The following ALPK1 variants were observed in gnomAD, a reference collection of about 807,000 sequenced individuals.
ALPK1 encodes the protein alpha-protein kinase 1.
ALPK1 carries 110 observed loss-of-function variants against 120.6 expected under a neutral mutation model. The ratio of observed to expected loss-of-function variants is 0.91; its 90% confidence interval spans 0.78 to 1.07. ALPK1 has a LOEUF of 1.07. Ranked by LOEUF, ALPK1 falls within the 50% of genes least tolerant of loss-of-function variation. ALPK1 has a pLI of 0.00. For synonymous variants in ALPK1, 582 were observed against 560.3 expected (o/e 1.04, Z -0.55); for missense variants, 1,498 against 1,483.9 (o/e 1.01, Z -0.16).
intron 4 of ALPK1, among the ~76,000 whole-genome samples, chr4:112,397,954 T>C (rs1029438004): frequency 5.3e-5 from 8 of 152,186 alleles, no homozygotes; most frequent in African/African-American, 1.9e-4. Flanking sequence ...GGTGTATATA[T>C]AATTTAATAT....
At chr4:112,387,046 T>C (rs564345857) in intron 4 of ALPK1, among the ~76,000 whole-genome samples, 1 of 152,288 alleles carries the variant, frequency 6.6e-6, no homozygotes, top group African/African-American at 2.4e-5. Flanking sequence ...TTTGATGGAT[T>C]TTTCAAAAAG....
intron 2 of ALPK1, among the ~76,000 whole-genome samples, chr4:112,325,889 C>T (rs1729094769): frequency 6.6e-6 from 1 of 152,186 alleles, no homozygotes; most frequent in Admixed American, 6.5e-5. Context: ...TCTGTCCCTT[C>T]TACCCTCCCA....
intron 1 of ALPK1, among the ~76,000 whole-genome samples, chr4:112,313,380 G>A (rs1259147559): frequency 6.6e-6 from 1 of 152,096 alleles, no homozygotes; most frequent in African/African-American, 2.4e-5. Flanking sequence ...GAGGAGGGAG[G>A]CTTTATGTCA....
chr4:112,435,374 T>C, intron 12 of ALPK1, 73 bp downstream of exon 12: 1 of 1,437,250 alleles, frequency 7.0e-7, no homozygotes, highest in East Asian at 2.3e-5. Flanking sequence ...TAATCACTCA[T>C]GAGACTTCGT....
At chr4:112,384,296 T>C (rs1732054745) in intron 4 of ALPK1, 1 of 152,224 alleles carries the variant, frequency 6.6e-6, no homozygotes, top group African/African-American at 2.4e-5. Context: ...TTATTGTATC[T>C]AAAGTAAGCT....
At chr4:112,414,246 T>C in intron 5 of ALPK1, 1 of 488,168 alleles carries the variant, frequency 2.0e-6, no homozygotes, top group Admixed American at 2.1e-5. Context: ...GATCCAGCGC[T>C]TCCTGGTATC....
At chr4:112,297,984 A>G (rs1727617363) in intron 1 of ALPK1, among the ~76,000 whole-genome samples, 1 of 152,188 alleles carries the variant, frequency 6.6e-6, no homozygotes, top group African/African-American at 2.4e-5. Flanking sequence ...ATATGGGTGA[A>G]TTGACGGGAA....
Position 112,377,812 on chromosome 4 carries a change from A to C in ALPK1, c.35A>C (p.Gln12Pro). ...CAAAAAGTGGTAGCTGTGCTACTGC[A>C]AGAGTGCAAGCAAGTGCTGGATCAG... is the stretch of plus-strand genomic sequence containing the variant. ...NNQKVVAVLL[Q>P]ECKQVLDQLL... is the part of the protein sequence containing the mutation. The change falls in exon 3 of 16, where the codon CAA (glutamine) becomes CCA (proline). Residue 12 changes from glutamine (Q) to proline (P), a missense_variant. Transcript: ENST00000650871. 6.2e-7 allele frequency: 1 copy of C among 1,613,342 alleles called. No homozygotes were observed. The highest frequency in any genetic ancestry group is 2.2e-5 in the East Asian group (1 of 44,828).
chr4:112,405,173 C>T (rs894131604), intron 4 of ALPK1, among the ~76,000 whole-genome samples: 1 of 152,276 alleles, frequency 6.6e-6, no homozygotes, highest in Admixed American at 6.5e-5. Context: ...GAACTCACTA[C>T]CTGGGCCTCT....
intron 4 of ALPK1, among the ~76,000 whole-genome samples, chr4:112,398,205 G>A (rs1193365168): frequency 6.6e-6 from 1 of 152,146 alleles, no homozygotes; most frequent in African/African-American, 2.4e-5. Context: ...GGTGAGAAGT[G>A]ATACAAATAA....
rs1021442389 is a variant in ALPK1 at position 112,304,528 on chromosome 4, G to T, written c.-153+7059G>T. Among the ~76,000 whole-genome samples the T allele has an allele frequency of 7.5e-4, 114 of 152,166 alleles. 1 individual carries two copies. The highest frequency in any genetic ancestry group is 4.8e-3 in the South Asian group (23 of 4,826). Reference sequence around the variant, plus strand: ...ATGATGAGCATTTTTTCATGTGTCTGTTGGCTGCATAAATGTCTTCTTTTG... The same window carrying T: ...ATGATGAGCATTTTTTCATGTGTCTTTTGGCTGCATAAATGTCTTCTTTTG... On this transcript the variant is annotated intron_variant, in intron 1 of 15. Coordinates refer to ENST00000650871, the MANE Select transcript of ALPK1 (RefSeq NM_025144.4).
intron 2 of ALPK1, among the ~76,000 whole-genome samples, chr4:112,369,008 T>A (rs939696881): frequency 1.0e-5 from 1 of 98,488 alleles, no homozygotes; most frequent in Non-Finnish European, 2.0e-5. Flanking sequence ...TGCAGGTAAC[T>A]TTTTAGGTTT....
At chr4:112,386,936 A>G (rs1038386652) in intron 4 of ALPK1, among the ~76,000 whole-genome samples, 2 of 152,248 alleles carry the variant, frequency 1.3e-5, no homozygotes, top group African/African-American at 4.8e-5. Flanking sequence ...TGAGAGGGAA[A>G]GATGAAAAGC....
chr4:112,335,938 G>GTA lies in ALPK1; in HGVS notation c.-101+20087_-101+20088dup, dbSNP rs558597361. Among the ~76,000 whole-genome samples the GTA allele has an allele frequency of 1.5e-3, 233 of 152,246 alleles. 1 individual carries two copies. Among genetic ancestry groups the GTA allele is most frequent in the Middle Eastern group, 0.014 (4 of 294 alleles). On this transcript the variant is annotated intron_variant, in intron 2 of 15. Transcript: ENST00000650871. ...GGGAAGTGCTTATTTTTTATAGCAT[G>GTA]TAAGTTCTCTGTCATGAATCTTTCA...
chr4:112,376,601 A>T (rs1333690174), intron 2 of ALPK1, among the ~76,000 whole-genome samples: 1 of 152,264 alleles, frequency 6.6e-6, no homozygotes, highest in Non-Finnish European at 1.5e-5. Flanking sequence ...AAAGTTAGTT[A>T]AGAAACCATT....
intron 9 of ALPK1, among the ~76,000 whole-genome samples, chr4:112,428,848 G>C (rs1469239783): frequency 6.6e-6 from 1 of 152,188 alleles, no homozygotes. Context: ...TTTGCCAAGA[G>C]CGTGCAGAAA....
chr4:112,440,679 A>G lies in ALPK1; in HGVS notation c.3539-238A>G, dbSNP rs944558568. On this transcript the variant is annotated intron_variant, in intron 14 of 15. Coordinates refer to ENST00000650871, the MANE Select transcript of ALPK1 (RefSeq NM_025144.4). ...GAAAAATTGGTGATCTGGGGATGTC[A>G]TATTTGACAAATATAACTGCCCAAT... Among the ~76,000 whole-genome samples, 6 of 152,310 alleles carry G rather than the reference A, an allele frequency of 3.9e-5. No individual in the cohort carries two copies. The East Asian group carries it at 9.6e-4, about 24-fold the overall frequency.
intron 3 of ALPK1, among the ~76,000 whole-genome samples, chr4:112,380,588 A>G (rs1419068212): frequency 2.0e-5 from 3 of 152,196 alleles, no homozygotes; most frequent in African/African-American, 2.4e-5. Flanking sequence ...AAGGGATCAC[A>G]GACCAAGTTA....
At chr4:112,326,694 A>G (rs6851258) in intron 2 of ALPK1, among the ~76,000 whole-genome samples, 77,169 of 152,074 alleles carry the variant, frequency 0.51, 20,060 homozygotes, top group African/African-American at 0.61. Flanking sequence ...CTTCTTAAAA[A>G]GCAACCTCCG....
Sources: allele counts gnomAD v4.1 joint callset (sites outside exome capture counted in the v4.1 genomes callset), GRCh38; gene constraint gnomAD v4.1.1; transcripts MANE v1.5; gene names NCBI Gene and HGNC (gene_info 2026-07-23, HGNC 2026-07-21).